The following ITGA6 variants were observed in gnomAD, a reference collection of about 807,000 sequenced individuals.
ITGA6 encodes integrin alpha-6.
In ITGA6, 63 loss-of-function variants were observed where a neutral mutation model predicts 133.6. The ratio of observed to expected loss-of-function variants is 0.47; its 90% CI spans 0.38 to 0.58. The LOEUF (loss-of-function observed/expected upper bound fraction) is 0.58. Ranked by LOEUF, ITGA6 falls within the 20% of genes least tolerant of loss-of-function variation. ITGA6 has a pLI of 0.00. For synonymous variants in ITGA6, 434 were observed against 482.0 expected (o/e 0.90, Z 1.30); for missense variants, 1,068 against 1,309.4 (o/e 0.82, Z 2.85).
chr2:172,459,909 T>A (rs888041201), intron 1 of ITGA6, among the ~76,000 whole-genome samples: 1 of 152,156 alleles, frequency 6.6e-6, no homozygotes, highest in African/African-American at 2.4e-5. Context: ...GATGAGATCC[T>A]GATTTAACGC....
chr2:172,432,746 C>T (rs1684153900), intron 1 of ITGA6, among the ~76,000 whole-genome samples: 1 of 152,102 alleles, frequency 6.6e-6, no homozygotes, highest in Admixed American at 6.5e-5. Flanking sequence ...AACCTAACCC[C>T]AGAAATACAG....
intron 20 of ITGA6, among the ~76,000 whole-genome samples, chr2:172,490,179 T>TG (rs1255755721): frequency 1.3e-5 from 2 of 152,244 alleles, no homozygotes; most frequent in Admixed American, 1.3e-4. Context: ...GATGGTCCTA[T>TG]GAGGGCGTTT....
At chr2:172,464,468 A>G (rs1483024271) in intron 1 of ITGA6, 2 of 152,218 alleles carry the variant, frequency 1.3e-5, no homozygotes, top group Admixed American at 1.3e-4. Context: ...CTTGTTTCCA[A>G]AACTCTCAGC....
At chr2:172,470,500 C>T (rs1685872869) in intron 4 of ITGA6, among the ~76,000 whole-genome samples, 2 of 152,028 alleles carry the variant, frequency 1.3e-5, no homozygotes, top group Non-Finnish European at 2.9e-5. Context: ...TATATGAAAA[C>T]TTATGTTTTA....
Position 172,485,271 on chromosome 2 carries a change from C to G in ITGA6, c.1854+7C>G, listed in dbSNP as rs374182150. ...CAAGACAGCTCATATTGATGTAAGTCTCTCTGACTTTCATTTTGCCAAAGT... is the reference window on the plus strand; with the variant it reads ...CAAGACAGCTCATATTGATGTAAGTGTCTCTGACTTTCATTTTGCCAAAGT... On this transcript the variant is annotated splice_region_variant and intron_variant, in intron 13 of 25. Coordinates refer to ENST00000684293, the MANE Select transcript of ITGA6 (RefSeq NM_000210.4). 130 of 1,613,702 alleles carry G rather than the reference C, an allele frequency of 8.1e-5. No individual in the cohort carries two copies. In the African/African-American group the frequency reaches 1.4e-3, roughly 17 times the overall value.
chr2:172,427,579 A>C, upstream of ITGA6: 1 of 1,249,922 alleles, frequency 8.0e-7, no homozygotes, highest in Non-Finnish European at 1.0e-6. Flanking sequence ...GCGAGTCTCC[A>C]GAGAACAACG....
chr2:172,428,821 A>G (rs1295708533), intron 1 of ITGA6, among the ~76,000 whole-genome samples: 16 of 152,196 alleles, frequency 1.1e-4, no homozygotes, highest in Non-Finnish European at 2.4e-4. Context: ...GACCGGCACT[A>G]CTGGCCTCTC....
At chr2:172,490,131 C>T (rs937385492) in intron 20 of ITGA6, among the ~76,000 whole-genome samples, 3 of 152,160 alleles carry the variant, frequency 2.0e-5, no homozygotes, top group African/African-American at 7.2e-5. Flanking sequence ...AGGAACTATG[C>T]TAAGCATTTT....
At chr2:172,467,063 G>T (rs1685709405) in intron 2 of ITGA6, among the ~76,000 whole-genome samples, 1 of 152,146 alleles carries the variant, frequency 6.6e-6, no homozygotes, top group East Asian at 1.9e-4. Flanking sequence ...AAATTGGGGA[G>T]TATATAGAGA....
Position 172,453,283 on chromosome 2 carries a change from TC to T in ITGA6, c.183-12254del, listed in dbSNP as rs536293111. Among the ~76,000 whole-genome samples the T allele has an allele frequency of 4.5e-3, 682 of 152,180 alleles. 6 individuals are homozygous for T. The highest frequency in any genetic ancestry group is 0.015 in the African/African-American group (624 of 41,516). On this transcript the variant is annotated intron_variant, in intron 1 of 25. Transcript: ENST00000684293. ...GGCTCATACCTGTAATCCCAGCACTTCCGGAGGCCGAGGCAGGAGGATCGCT... is the reference window on the plus strand; with the variant it reads ...GGCTCATACCTGTAATCCCAGCACTTCGGAGGCCGAGGCAGGAGGATCGCT...
Position 172,505,429 on chromosome 2 carries a change from TTTG to T in ITGA6, c.*1364_*1366del, listed in dbSNP as rs2149111802. 6.6e-6 allele frequency: 1 copy of T among 152,336 alleles called. No homozygotes were observed. Among genetic ancestry groups the T allele is most frequent in the Admixed American group, 6.5e-5 (1 of 15,300 alleles). The allele number at this position is 152,336 out of a possible 1,614,324, so 9.4% of individuals were successfully genotyped here. ...TAATCAGTGAGTCGATGTTCTATTT[TTTG>T]TTTTGTTTCCTCCCCTATCTGTATT... On this transcript the variant is annotated 3_prime_UTR_variant, in exon 26 of 26. Coordinates refer to ENST00000684293, the MANE Select transcript of ITGA6 (RefSeq NM_000210.4).
rs1574427496 is a variant in ITGA6, at chr2:172,505,569, T to C, written c.*1501T>C. 1 of 152,724 alleles carries C rather than the reference T, an allele frequency of 6.5e-6. No homozygotes were observed. Among genetic ancestry groups the C allele is most frequent in the South Asian group, 2.1e-4 (1 of 4,818 alleles). 9.5% of individuals were successfully genotyped at this position (152,724 alleles called of 1,614,324 possible). Reference sequence around the variant, plus strand: ...ATACATTCAACAGAGACTGAATAGATATGAAAGCTGATTTTTTTTAATTAC... The same window carrying C: ...ATACATTCAACAGAGACTGAATAGACATGAAAGCTGATTTTTTTTAATTAC... On this transcript the variant is annotated 3_prime_UTR_variant, in exon 26 of 26. Transcript: ENST00000684293.
chr2:172,428,187 C>G, intron 1 of ITGA6: 1 of 281,954 alleles, frequency 3.5e-6, no homozygotes, highest in Non-Finnish European at 6.5e-6. Flanking sequence ...GGAGGAGAAC[C>G]CGAGGGCTAG....
At chr2:172,435,547 G>A (rs774720767) in intron 1 of ITGA6, among the ~76,000 whole-genome samples, 39 of 151,550 alleles carry the variant, frequency 2.6e-4, no homozygotes, top group Non-Finnish European at 4.9e-4. Context: ...AATCAAAGGT[G>A]CTGAGAACCT....
At chr2:172,445,793 C>T (rs1001539623) in intron 1 of ITGA6, among the ~76,000 whole-genome samples, 6 of 152,174 alleles carry the variant, frequency 3.9e-5, no homozygotes, top group African/African-American at 1.4e-4. Flanking sequence ...CTTATTGCTC[C>T]ACCACTGGAG....
At chr2:172,428,870 G>T (rs1319805220) in intron 1 of ITGA6, among the ~76,000 whole-genome samples, 1 of 152,180 alleles carries the variant, frequency 6.6e-6, no homozygotes, top group African/African-American at 2.4e-5. Context: ...CCACATGATC[G>T]GCTATTTAAG....
At chr2:172,469,466 A>C in intron 4 of ITGA6, 86 bp downstream of exon 4, 1 of 1,030,198 alleles carries the variant, frequency 9.7e-7, no homozygotes, top group Non-Finnish European at 1.4e-6. Flanking sequence ...AAAATGTGTT[A>C]GAAGACATTC....
intron 1 of ITGA6, among the ~76,000 whole-genome samples, chr2:172,437,700 A>G (rs575439938): frequency 6.6e-6 from 1 of 152,292 alleles, no homozygotes; most frequent in African/African-American, 2.4e-5. Context: ...TGGTGATGCA[A>G]GTAGAGGAGC....
chr2:172,499,778 T>C (rs1052597798), intron 24 of ITGA6, among the ~76,000 whole-genome samples: 2 of 152,220 alleles, frequency 1.3e-5, no homozygotes, highest in Admixed American at 1.3e-4. Context: ...CAGCCTTTAA[T>C]GAGGGTGAGA....
Sources: gnomAD v4.1 joint callset for allele counts (sites outside exome capture counted in the v4.1 genomes callset) on GRCh38, gnomAD v4.1.1 for gene constraint, MANE v1.5 for transcripts, NCBI Gene and HGNC (gene_info 2026-07-23, HGNC 2026-07-21) for gene names.